SLC1A2: variants seen among roughly 807,000 people sequenced by gnomAD.
SLC1A2 encodes solute carrier family 1 member 2, also known as excitatory amino acid transporter 2.
Under a neutral mutation model 48.8 loss-of-function variants are expected in SLC1A2, and 15 were observed. That is an observed-to-expected ratio of 0.31 (90% CI 0.21 to 0.47). The LOEUF (loss-of-function observed/expected upper bound fraction) is 0.47. Ranked by LOEUF, SLC1A2 falls within the 20% of genes least tolerant of loss-of-function variation. The pLI is 0.99. For synonymous variants in SLC1A2, 279 were observed against 272.6 expected (o/e 1.02, Z -0.23); for missense variants, 502 against 730.5 (o/e 0.69, Z 3.61).
At chr11:35,261,002 C>A (rs1217778515) in intron 10 of SLC1A2, 37 bp from the exon 11 acceptor site, 1 of 1,535,004 alleles carries the variant, frequency 6.5e-7, no homozygotes, top group Non-Finnish European at 9.0e-7. Context: ...GCTTACAGAC[C>A]ACGAACCAGA....
chr11:35,409,326 C>T (rs576469952), intron 1 of SLC1A2, among the ~76,000 whole-genome samples: 106 of 152,276 alleles, frequency 7.0e-4, no homozygotes, highest in African/African-American at 2.4e-3. Flanking sequence ...GGTAAGGACT[C>T]CATGGGAAAT....
At chr11:35,380,416 T>C in intron 1 of SLC1A2, 1 of 398,548 alleles carries the variant, frequency 2.5e-6, no homozygotes, top group Non-Finnish European at 4.4e-6. Context: ...TCTTCATGGA[T>C]GCATATGTGC....
At chr11:35,356,128 CT>C (rs1173614293) in intron 1 of SLC1A2, among the ~76,000 whole-genome samples, 1 of 152,160 alleles carries the variant, frequency 6.6e-6, no homozygotes, top group African/African-American at 2.4e-5. Flanking sequence ...AGTAATGATT[CT>C]AAAGATTCTA....
In SLC1A2 at chr11:35,286,884, T is replaced by C; in HGVS notation, c.1159A>G (p.Arg387Gly). The change falls in exon 8 of 11, where the codon AGA (arginine) becomes GGA (glycine). Residue 387 changes from arginine (R) to glycine (G), a missense_variant. By Grantham distance (125) the Arg-to-Gly change is moderately radical (BLOSUM62 -2). This residue lies in a region of SLC1A2 where 309 missense variants were observed against 480.3 expected (regional missense o/e 0.64). Coordinates refer to ENST00000278379, the MANE Select transcript of SLC1A2 (RefSeq NM_004171.4). Reference protein sequence around the residue: ...ENLGIDKRVTRFVLPVGATIN... With the variant: ...ENLGIDKRVTGFVLPVGATIN... The stretch of plus-strand genomic sequence containing the variant: ...GTTGCTCCAACAGGAAGGACGAATC[T>C]AGTCACACGCTTATCAATCCCCAGA... 2 of 1,614,076 alleles carry C rather than the reference T, an allele frequency of 1.2e-6. No homozygotes were observed. The highest frequency in any genetic ancestry group is 1.7e-6 in the Non-Finnish European group (2 of 1,179,942).
rs1950323079 is a variant in SLC1A2 at position 35,257,021 on chromosome 11, C to G, written c.*3873G>C. The G allele has an allele frequency of 6.6e-6, 1 of 152,180 alleles. No individual in the cohort carries two copies. Among genetic ancestry groups the G allele is most frequent in the Admixed American group, 6.5e-5 (1 of 15,280 alleles). The allele number at this position is 152,180 out of a possible 1,614,324, so 9.4% of individuals were successfully genotyped here. ...AAAAGTAAAAAAAACTATAACATCA[C>G]TTTTGCTATTGAGAGCAAAGGGACG... On this transcript the variant is annotated 3_prime_UTR_variant, in exon 11 of 11. Transcript: ENST00000278379.
At chr11:35,344,247 A>T (rs868779408) in intron 1 of SLC1A2, among the ~76,000 whole-genome samples, 1 of 152,256 alleles carries the variant, frequency 6.6e-6, no homozygotes, top group East Asian at 1.9e-4. Context: ...GTCATATGGA[A>T]TAAGCACTGT....
intron 1 of SLC1A2, among the ~76,000 whole-genome samples, chr11:35,367,219 G>A (rs1386036209): frequency 6.6e-6 from 1 of 152,224 alleles, no homozygotes; most frequent in Non-Finnish European, 1.5e-5. Flanking sequence ...TACAATAACT[G>A]GTAGATTTGA....
In SLC1A2 at chr11:35,407,154, T is replaced by C. The variant is rs146512654; in HGVS notation, c.17+11796A>G. Among the ~76,000 whole-genome samples the C allele has an allele frequency of 2.0e-4, 30 of 152,080 alleles. 1 individual carries two copies. In the South Asian group the frequency reaches 4.4e-3, roughly 22 times the overall value. On this transcript the variant is annotated intron_variant, in intron 1 of 10. Coordinates refer to ENST00000278379, the MANE Select transcript of SLC1A2 (RefSeq NM_004171.4). ...TCTAGCTTGCTGACTAATGAGGCTA[T>C]AGAAGTAAGGACAAGCTGGCTGCCC...
At chr11:35,269,616 C>A (rs115487082) in intron 9 of SLC1A2, among the ~76,000 whole-genome samples, 256 of 152,324 alleles carry the variant, frequency 1.7e-3, no homozygotes, top group African/African-American at 5.8e-3. Context: ...ACCCTTGACA[C>A]CAAATCCTTG....
chr11:35,292,502 G>A lies in SLC1A2; in HGVS notation c.876C>T (p.Ile292=), dbSNP rs750405886. 3.1e-6 allele frequency: 5 copies of A among 1,612,796 alleles called. No individual in the cohort carries two copies. Among genetic ancestry groups the A allele is most frequent in the Admixed American group, 1.7e-5 (1 of 59,928 alleles). The change falls in exon 7 of 11, where the codon ATC becomes ATT. Residue 292 remains isoleucine (I), a synonymous_variant. Coordinates refer to ENST00000278379, the MANE Select transcript of SLC1A2 (RefSeq NM_004171.4). ...IMIMWYSPLG[I]ACLICGKIIA... Reference sequence around the variant, plus strand: ...TGATCTTTCCACAGATCAGGCAGGCGATACCCAGGGGAGAGTACCTGAAAA... The same window carrying A: ...TGATCTTTCCACAGATCAGGCAGGCAATACCCAGGGGAGAGTACCTGAAAA...
At chr11:35,406,120 C>T (rs11033113) in intron 1 of SLC1A2, among the ~76,000 whole-genome samples, 59,412 of 151,930 alleles carry the variant, frequency 0.39, 12,924 homozygotes, top group East Asian at 0.54. Context: ...TGATGAGTTG[C>T]TATGAGAGAG....
At chr11:35,370,156 T>A (rs890182338) in intron 1 of SLC1A2, among the ~76,000 whole-genome samples, 16 of 152,326 alleles carry the variant, frequency 1.1e-4, no homozygotes, top group African/African-American at 3.8e-4. Flanking sequence ...ATACACAGCA[T>A]CCAATTTAAC....
intron 8 of SLC1A2, among the ~76,000 whole-genome samples, chr11:35,284,681 G>A (rs1850755579): frequency 6.6e-6 from 1 of 152,126 alleles, no homozygotes; most frequent in South Asian, 2.1e-4. Context: ...AAGGAGAGAG[G>A]AGAAAGCTGT....
At chr11:35,313,718 C>G (rs751453865) in intron 3 of SLC1A2, among the ~76,000 whole-genome samples, 1 of 152,192 alleles carries the variant, frequency 6.6e-6, no homozygotes, top group Non-Finnish European at 1.5e-5. Context: ...AACATTTTCT[C>G]TGGTTTATAG....
At chr11:35,340,360 G>A (rs979226754) in intron 1 of SLC1A2, among the ~76,000 whole-genome samples, 1 of 152,174 alleles carries the variant, frequency 6.6e-6, no homozygotes, top group Non-Finnish European at 1.5e-5. Context: ...TCCACAGTCT[G>A]GCCTCTAAGG....
In SLC1A2 at chr11:35,356,673, T is replaced by C. The variant is rs115060442; in HGVS notation, c.18-39157A>G. Among the ~76,000 whole-genome samples, 1,061 of 152,332 alleles carry C rather than the reference T, an allele frequency of 7.0e-3. 11 individuals are homozygous for C. The highest frequency in any genetic ancestry group is 0.024 in the African/African-American group (1,005 of 41,576). ...CCTTTGCTCTTGTCGTTTACGCTTG[T>C]CTTGAAACAGACTAAGCAGGTGAAT... On this transcript the variant is annotated intron_variant, in intron 1 of 10. Transcript: ENST00000278379.
At chr11:35,366,130 T>C (rs1027223584) in intron 1 of SLC1A2, among the ~76,000 whole-genome samples, 1 of 152,230 alleles carries the variant, frequency 6.6e-6, no homozygotes, top group East Asian at 1.9e-4. Flanking sequence ...ATTATACTTA[T>C]GAATCAGGGT....
At position 35,343,549 on chromosome 11, in the gene SLC1A2, T is replaced by C. The variant is rs140589427; in HGVS notation, c.18-26033A>G. Among the ~76,000 whole-genome samples, 624 of 152,292 alleles carry C rather than the reference T, an allele frequency of 4.1e-3. 2 individuals carry two copies. Among genetic ancestry groups the C allele is most frequent in the South Asian group, 0.014 (66 of 4,820 alleles). ...ACTCCCCTTTCTTGAGTGTATACTT[T>C]TCACTTGCAATAACTCTCCATACTT... On this transcript the variant is annotated intron_variant, in intron 1 of 10. Coordinates refer to ENST00000278379, the MANE Select transcript of SLC1A2 (RefSeq NM_004171.4).
chr11:35,337,826 G>A (rs547761307), intron 1 of SLC1A2, among the ~76,000 whole-genome samples: 1 of 152,124 alleles, frequency 6.6e-6, no homozygotes, highest in Admixed American at 6.5e-5. Context: ...AGTATGTGGA[G>A]GGGAAGCTCC....
Sources: allele counts gnomAD v4.1 joint callset (sites outside exome capture counted in the v4.1 genomes callset), GRCh38; gene constraint gnomAD v4.1.1; regional missense constraint gnomAD v4.1.1; transcripts MANE v1.5; gene names NCBI Gene and HGNC (gene_info 2026-07-23, HGNC 2026-07-21).